Variants in DAPK1 observed in about 807,000 individuals in gnomAD.
DAPK1 encodes death-associated protein kinase 1.
A neutral mutation model predicts 144.9 loss-of-function variants in DAPK1; 56 were observed. The observed-to-expected ratio is 0.39, with a 90% CI of 0.31 to 0.48. DAPK1 has a LOEUF of 0.48. DAPK1 is among the 20% of genes least tolerant of loss of function. The pLI, the probability that DAPK1 is intolerant of heterozygous loss-of-function variation, is 0.95. For missense variants in DAPK1, 1,454 were observed against 1,875.4 expected (o/e 0.78, Z 4.15); for synonymous variants, 690 against 749.0 (o/e 0.92, Z 1.29).
chr9:87,519,031 GAGTA>G (rs1420258022), intron 2 of DAPK1, among the ~76,000 whole-genome samples: 1 of 152,222 alleles, frequency 6.6e-6, no homozygotes, highest in East Asian at 1.9e-4. Flanking sequence ...TGGCCAAGTC[GAGTA>G]AGTAACATCG....
chr9:87,681,681 TC>T (rs1385534928), intron 20 of DAPK1, 55 bp downstream of exon 20: 1 of 901,512 alleles, frequency 1.1e-6, no homozygotes. Context: ...TTCCGCACTC[TC>T]TCCTTTCAAG....
intron 10 of DAPK1, among the ~76,000 whole-genome samples, 181 bp downstream of exon 10, chr9:87,642,239 T>C (rs891604358): frequency 7.2e-5 from 11 of 152,246 alleles, no homozygotes; most frequent in Non-Finnish European, 2.9e-5. Context: ...AACAATATTT[T>C]AGTCACTTTA....
At chr9:87,663,346 G>A (rs186573147) in intron 18 of DAPK1, among the ~76,000 whole-genome samples, 13 of 152,196 alleles carry the variant, frequency 8.5e-5, no homozygotes, top group African/African-American at 2.9e-4. Flanking sequence ...TGAATTCCAC[G>A]CAGGTCAAGA....
At chr9:87,677,989 T>A (rs2119320510) in intron 19 of DAPK1, among the ~76,000 whole-genome samples, 1 of 152,286 alleles carries the variant, frequency 6.6e-6, no homozygotes, top group South Asian at 2.1e-4. Flanking sequence ...CATAATAGAA[T>A]CTGTCCAGCT....
At position 87,686,234 on chromosome 9, in the gene DAPK1, A is replaced by G. The variant is rs763022562; in HGVS notation, c.2225-317A>G. Among the ~76,000 whole-genome samples, 15 of 152,160 alleles carry G rather than the reference A, an allele frequency of 9.9e-5. No homozygotes were observed. The highest frequency in any genetic ancestry group is 2.0e-4 in the Admixed American group (3 of 15,272). On this transcript the variant is annotated intron_variant, in intron 20 of 25. Transcript: ENST00000408954. This position sits in a 1 kb window ranked among gnomAD's most constrained non-coding sequence, Gnocchi z 4.2. ...CGACCTCTGCCCTCCCACCCTCTCCACAGCCTCCCGTTGGCTGACCCTAAG... is the reference window on the plus strand; with the variant it reads ...CGACCTCTGCCCTCCCACCCTCTCCGCAGCCTCCCGTTGGCTGACCCTAAG...
At chr9:87,592,324 C>T (rs1271614563) in intron 2 of DAPK1, among the ~76,000 whole-genome samples, 3 of 152,224 alleles carry the variant, frequency 2.0e-5, no homozygotes, top group East Asian at 3.9e-4. Flanking sequence ...CACTAGTGGA[C>T]TTCCCATTTC....
intron 3 of DAPK1, among the ~76,000 whole-genome samples, chr9:87,619,560 G>A (rs772421251): frequency 1.2e-4 from 19 of 152,184 alleles, no homozygotes; most frequent in Non-Finnish European, 1.8e-4. Flanking sequence ...TGCCTTGCAC[G>A]TGACCTGCCA....
intron 3 of DAPK1, among the ~76,000 whole-genome samples, chr9:87,605,691 A>C (rs540809093): frequency 2.6e-5 from 4 of 152,340 alleles, no homozygotes; most frequent in African/African-American, 9.6e-5. Context: ...TCACTCAAAA[A>C]GGACTTGTTT....
intron 2 of DAPK1, among the ~76,000 whole-genome samples, chr9:87,600,012 A>G (rs934680776): frequency 6.6e-6 from 1 of 152,224 alleles, no homozygotes; most frequent in Non-Finnish European, 1.5e-5. Flanking sequence ...GTCATATCAC[A>G]GCTTTGTTGT....
At chr9:87,625,546 C>T (rs1281281210) in intron 3 of DAPK1, among the ~76,000 whole-genome samples, 1 of 152,232 alleles carries the variant, frequency 6.6e-6, no homozygotes, top group Non-Finnish European at 1.5e-5. Flanking sequence ...GTATATAACG[C>T]TGCCCTCGAG....
At chr9:87,563,829 GA>G (rs1827019584) in intron 2 of DAPK1, among the ~76,000 whole-genome samples, 1 of 152,206 alleles carries the variant, frequency 6.6e-6, no homozygotes. Context: ...GCAACCCACA[GA>G]GTTGTGAGCA....
chr9:87,576,889 A>G (rs564939104), intron 2 of DAPK1, among the ~76,000 whole-genome samples: 1 of 152,284 alleles, frequency 6.6e-6, no homozygotes, highest in Admixed American at 6.5e-5. Flanking sequence ...GTCCTACAAT[A>G]GAAATGGCAG....
At chr9:87,644,038 T>A (rs1347002372) in intron 11 of DAPK1, among the ~76,000 whole-genome samples, 1 of 152,180 alleles carries the variant, frequency 6.6e-6, no homozygotes, top group Non-Finnish European at 1.5e-5. Context: ...ATGATTGGCC[T>A]GGTGTTGACT....
At chr9:87,561,788 G>A (rs1444371013) in intron 2 of DAPK1, among the ~76,000 whole-genome samples, 2 of 152,200 alleles carry the variant, frequency 1.3e-5, no homozygotes, top group East Asian at 3.9e-4. Flanking sequence ...GCTGTGTGTG[G>A]ACAGTGCTTA....
chr9:87,515,901 G>T (rs776425705), intron 2 of DAPK1, among the ~76,000 whole-genome samples: 1 of 152,066 alleles, frequency 6.6e-6, no homozygotes, highest in African/African-American at 2.4e-5. Context: ...TTTCCTGCAG[G>T]TCGGTCTTAC....
chr9:87,517,431 C>G (rs1825105873), intron 2 of DAPK1, among the ~76,000 whole-genome samples: 1 of 152,122 alleles, frequency 6.6e-6, no homozygotes, highest in Non-Finnish European at 1.5e-5. Context: ...AGACTCCCCA[C>G]TGTTCTCTCC....
chr9:87,666,484 T>G (rs1366421281), intron 18 of DAPK1, among the ~76,000 whole-genome samples: 1 of 150,994 alleles, frequency 6.6e-6, no homozygotes, highest in Non-Finnish European at 1.5e-5. Context: ...TTTGTTTTTT[T>G]TTTTTTTGAG....
At chr9:87,501,197 A>G (rs758810175) in intron 2 of DAPK1, among the ~76,000 whole-genome samples, 1 of 152,180 alleles carries the variant, frequency 6.6e-6, no homozygotes, top group South Asian at 2.1e-4. Context: ...CTAAGCAGTG[A>G]ATTACTAGTA....
chr9:87,509,449 C>T (rs975963627), intron 2 of DAPK1, among the ~76,000 whole-genome samples: 1 of 152,092 alleles, frequency 6.6e-6, no homozygotes, highest in African/African-American at 2.4e-5. Flanking sequence ...ACAACCTCTG[C>T]CTCCGGGTTC....
Sources: allele counts gnomAD v4.1 joint callset (sites outside exome capture counted in the v4.1 genomes callset), GRCh38; gene constraint gnomAD v4.1.1; non-coding constraint Gnocchi (gnomAD v3.1); transcripts MANE v1.5; gene names NCBI Gene and HGNC (gene_info 2026-07-23, HGNC 2026-07-21).